Variants in UNC5D observed in about 807,000 individuals in gnomAD.
UNC5D encodes netrin receptor UNC5D.
UNC5D carries 39 observed loss-of-function variants against 105.4 expected under a neutral mutation model. The observed-to-expected ratio is 0.37, with a 90% CI of 0.29 to 0.48. UNC5D has a LOEUF of 0.48. Among genes scored for constraint, UNC5D ranks in the 20% least tolerant of loss-of-function variants. UNC5D has a pLI of 0.98. For synonymous variants in UNC5D, 452 were observed against 450.4 expected, an observed-to-expected ratio of 1.00 and a Z score of -0.04; for missense variants, 991 against 1,202.4, an observed-to-expected ratio of 0.82 and a Z score of 2.60.
At chr8:35,579,190 T>C (rs1161663493) in intron 3 of UNC5D, among the ~76,000 whole-genome samples, 2 of 152,184 alleles carry the variant, frequency 1.3e-5, no homozygotes, top group Non-Finnish European at 2.9e-5. Flanking sequence ...TAGTTAATCT[T>C]TGGGGATTCT....
intron 1 of UNC5D, among the ~76,000 whole-genome samples, chr8:35,510,053 C>G (rs2130342800): frequency 6.6e-6 from 1 of 152,270 alleles, no homozygotes; most frequent in South Asian, 2.1e-4. Context: ...CAGTGTCCAG[C>G]AACCTGGAGG....
At chr8:35,749,034 T>C (rs1184432241) in intron 12 of UNC5D, among the ~76,000 whole-genome samples, 3 of 152,160 alleles carry the variant, frequency 2.0e-5, no homozygotes. Flanking sequence ...GTGGCCTCTG[T>C]GGAGTTAGGG....
intron 1 of UNC5D, among the ~76,000 whole-genome samples, chr8:35,297,145 T>C (rs192358789): frequency 6.8e-4 from 104 of 152,220 alleles, no homozygotes; most frequent in African/African-American, 2.5e-3. Context: ...GTGAAGTGTG[T>C]TTATAAGCAC....
At chr8:35,375,313 AC>A (rs561622747) in intron 1 of UNC5D, among the ~76,000 whole-genome samples, 109 of 152,346 alleles carry the variant, frequency 7.2e-4, no homozygotes, top group Non-Finnish European at 1.3e-3. Flanking sequence ...AGCATGAGTC[AC>A]TGAAGTATAG....
intron 1 of UNC5D, among the ~76,000 whole-genome samples, chr8:35,444,079 A>G (rs1702638804): frequency 6.6e-6 from 1 of 152,046 alleles, no homozygotes; most frequent in Non-Finnish European, 1.5e-5. Context: ...ATCTAATGTT[A>G]AAAGTATTTG....
At chr8:35,588,144 G>A (rs751843308) in intron 3 of UNC5D, among the ~76,000 whole-genome samples, 1 of 151,450 alleles carries the variant, frequency 6.6e-6, no homozygotes. Context: ...TCTTCCCATA[G>A]ACCATGTGCA....
intron 1 of UNC5D, among the ~76,000 whole-genome samples, chr8:35,281,974 G>C (rs1226003074): frequency 1.3e-5 from 2 of 152,034 alleles, no homozygotes; most frequent in African/African-American, 4.8e-5. Flanking sequence ...ACATGTACTC[G>C]GTTATTCTTT....
intron 1 of UNC5D, among the ~76,000 whole-genome samples, chr8:35,424,872 C>T (rs1806140747): frequency 6.6e-6 from 1 of 152,200 alleles, no homozygotes. Context: ...TAGAAGTTGA[C>T]ACCTAGGTGG....
chr8:35,331,334 T>C (rs1810614756), intron 1 of UNC5D, among the ~76,000 whole-genome samples: 1 of 152,146 alleles, frequency 6.6e-6, no homozygotes, highest in African/African-American at 2.4e-5. Context: ...TGAGCACTGA[T>C]GTCATTTCTC....
intron 4 of UNC5D, among the ~76,000 whole-genome samples, chr8:35,597,302 A>T (rs980995684): frequency 3.3e-5 from 5 of 152,188 alleles, no homozygotes; most frequent in African/African-American, 1.2e-4. Flanking sequence ...TTTTTTATTG[A>T]ATGTCAAACA....
rs143087862 is a variant in UNC5D, at chr8:35,580,148, T to C, written c.466+11907T>C. Among the ~76,000 whole-genome samples the C allele has an allele frequency of 2.0e-3, 309 of 152,242 alleles. 2 individuals carry two copies. Among genetic ancestry groups the C allele is most frequent in the African/African-American group, 6.8e-3 (283 of 41,542 alleles). ...TTATGAATAGGGTAAAATAAACCAG[T>C]TTGAAGAATGAGATACTGGTTTTAG... is the stretch of plus-strand genomic sequence containing the variant. On this transcript the variant is annotated intron_variant, in intron 3 of 16. Coordinates refer to ENST00000404895, the MANE Select transcript of UNC5D (RefSeq NM_080872.4).
intron 3 of UNC5D, among the ~76,000 whole-genome samples, chr8:35,594,273 A>T (rs1819356229): frequency 6.6e-6 from 1 of 152,224 alleles, no homozygotes; most frequent in Non-Finnish European, 1.5e-5. Context: ...TAAAATTCGG[A>T]GGAAAGTGAA....
intron 1 of UNC5D, among the ~76,000 whole-genome samples, chr8:35,457,776 C>G (rs1240969779): frequency 6.6e-6 from 1 of 152,172 alleles, no homozygotes; most frequent in African/African-American, 2.4e-5. Flanking sequence ...TGGGAAGCAT[C>G]TGCTCGAGGA....
At chr8:35,686,445 T>C in intron 6 of UNC5D, 100 bp from the exon 7 acceptor site, 1 of 1,289,450 alleles carries the variant, frequency 7.8e-7, no homozygotes, top group Non-Finnish European at 1.0e-6. Context: ...GGTGGTTATT[T>C]CCTTAAAATC....
At chr8:35,355,117 C>A (rs924130234) in intron 1 of UNC5D, among the ~76,000 whole-genome samples, 7 of 152,116 alleles carry the variant, frequency 4.6e-5, no homozygotes, top group African/African-American at 1.4e-4. Flanking sequence ...ACAGAGTCTA[C>A]CCAGATTCGT....
intron 1 of UNC5D, among the ~76,000 whole-genome samples, chr8:35,495,483 C>CAAAAAAAAAAAAAAAAAAAAAAAAA (rs1442607841): frequency 8.7e-6 from 1 of 115,458 alleles, no homozygotes; most frequent in Non-Finnish European, 1.8e-5. Flanking sequence ...AAAAAAAAAG[C>CAAAAAAAAAAAAAAAAAAAAAAAAA]AAAAAAATCT....
intron 1 of UNC5D, among the ~76,000 whole-genome samples, chr8:35,383,192 G>T (rs563928770): frequency 6.6e-6 from 1 of 152,250 alleles, no homozygotes; most frequent in Non-Finnish European, 1.5e-5. Flanking sequence ...AGTTTGTCCA[G>T]CAGCTTACCA....
At chr8:35,536,507 A>G (rs1814850964) in intron 1 of UNC5D, among the ~76,000 whole-genome samples, 1 of 152,176 alleles carries the variant, frequency 6.6e-6, no homozygotes, top group African/African-American at 2.4e-5. Context: ...CTCCACATAA[A>G]GCATTAATTT....
At chr8:35,287,596 C>G (rs1806701085) in intron 1 of UNC5D, among the ~76,000 whole-genome samples, 1 of 151,322 alleles carries the variant, frequency 6.6e-6, no homozygotes, top group Non-Finnish European at 1.5e-5. Flanking sequence ...GAGTTCAAGA[C>G]CAGACTAAGC....
Sources: gnomAD v4.1 joint callset for allele counts (sites outside exome capture counted in the v4.1 genomes callset) on GRCh38, gnomAD v4.1.1 for gene constraint, MANE v1.5 for transcripts, NCBI Gene and HGNC (gene_info 2026-07-23, HGNC 2026-07-21) for gene names.